Variants in NIPSNAP3A observed in about 807,000 individuals in gnomAD.
NIPSNAP3A encodes protein NipSnap homolog 3A.
NIPSNAP3A carries 27 observed loss-of-function variants against 32.3 expected under a neutral mutation model. That is an observed-to-expected ratio of 0.84 (90% CI 0.62 to 1.15). NIPSNAP3A has a LOEUF of 1.15. Among genes scored for constraint, NIPSNAP3A ranks in the 50% most tolerant of loss-of-function variants. NIPSNAP3A has a pLI of 0.00. For missense variants in NIPSNAP3A, 278 were observed against 297.2 expected (o/e 0.94, Z 0.48); for synonymous variants, 108 against 107.3 (o/e 1.01, Z -0.04).
rs919990748 is a variant in NIPSNAP3A at position 104,747,716 on chromosome 9, C to T, written c.-77C>T. The stretch of plus-strand genomic sequence containing the variant: ...TCTGCCAATGATCCAGGAGCCGCTC[C>T]TTTCCACTCGGGAAACCTTCAGAGG... On this transcript the variant is annotated 5_prime_UTR_variant, in exon 1 of 6. Transcript: ENST00000374767. 2 of 1,454,120 alleles carry T rather than the reference C, an allele frequency of 1.4e-6. No individual in the cohort carries two copies. The highest frequency in any genetic ancestry group is 1.4e-5 in the African/African-American group (1 of 71,354). 90.1% of individuals were successfully genotyped at this position (1,454,120 alleles called of 1,614,324 possible).
intron 4 of NIPSNAP3A, among the ~76,000 whole-genome samples, chr9:104,758,576 A>G (rs1318148771): frequency 1.3e-5 from 2 of 152,192 alleles, no homozygotes; most frequent in Non-Finnish European, 1.5e-5. Context: ...TAATTTATCA[A>G]TTTCTCTAGC....
At chr9:104,756,993 A>G (rs1000130806) in intron 4 of NIPSNAP3A, among the ~76,000 whole-genome samples, 4 of 151,838 alleles carry the variant, frequency 2.6e-5, no homozygotes, top group Admixed American at 6.6e-5. Flanking sequence ...TAGTAGAGAC[A>G]GGATTTCACC....
At chr9:104,756,756 A>T (rs1827910706) in intron 4 of NIPSNAP3A, among the ~76,000 whole-genome samples, 1 of 152,048 alleles carries the variant, frequency 6.6e-6, no homozygotes, top group Non-Finnish European at 1.5e-5. Context: ...GAAAGTATAT[A>T]ACATACATAG....
chr9:104,754,845 ATC>A (rs1827888055), intron 4 of NIPSNAP3A, 145 bp downstream of exon 4: 2 of 665,830 alleles, frequency 3.0e-6, no homozygotes, highest in Non-Finnish European at 2.6e-6. Flanking sequence ...AATTGAGAAA[ATC>A]TGTTTTACAT....
chr9:104,757,888 C>T (rs182622813), intron 4 of NIPSNAP3A, among the ~76,000 whole-genome samples: 174 of 150,698 alleles, frequency 1.2e-3, no homozygotes, highest in African/African-American at 4.0e-3. Flanking sequence ...CCTGTCTCTA[C>T]AAAAATAAAA....
intron 2 of NIPSNAP3A, among the ~76,000 whole-genome samples, chr9:104,751,484 G>C (rs933081211): frequency 2.0e-5 from 3 of 152,164 alleles, no homozygotes; most frequent in Non-Finnish European, 4.4e-5. Flanking sequence ...ATGGTTTGCT[G>C]TAAAGATAGT....
chr9:104,751,467 T>C (rs1195144838), intron 2 of NIPSNAP3A, among the ~76,000 whole-genome samples: 5 of 152,084 alleles, frequency 3.3e-5, no homozygotes, highest in Non-Finnish European at 7.4e-5. Flanking sequence ...CTCAGAAAAA[T>C]ATTAAAATGG....
chr9:104,752,083 G>A (rs143520469), intron 2 of NIPSNAP3A, among the ~76,000 whole-genome samples: 31 of 152,140 alleles, frequency 2.0e-4, no homozygotes, highest in African/African-American at 6.5e-4. Flanking sequence ...CCTCACTTAA[G>A]TTGTAAGATA....
Position 104,747,741 on chromosome 9 carries a change from G to C in NIPSNAP3A, c.-52G>C. 1 of 1,542,528 alleles carries C rather than the reference G, an allele frequency of 6.5e-7. No individual in the cohort carries two copies. Among genetic ancestry groups the C allele is most frequent in the Non-Finnish European group, 8.9e-7 (1 of 1,129,384 alleles). The stretch of plus-strand genomic sequence containing the variant: ...CTTTCCACTCGGGAAACCTTCAGAG[G>C]AGTCTCAGAAAGGACACGGCTGGCT... On this transcript the variant is annotated 5_prime_UTR_variant, in exon 1 of 6. Transcript: ENST00000374767.
intron 4 of NIPSNAP3A, among the ~76,000 whole-genome samples, chr9:104,755,671 A>G (rs574333093): frequency 2.5e-3 from 378 of 152,248 alleles, no homozygotes; most frequent in African/African-American, 5.1e-3. Flanking sequence ...CTGTAATTCC[A>G]GCGCTTTTGG....
intron 2 of NIPSNAP3A, 33 bp from the exon 3 acceptor site, chr9:104,752,873 T>G: frequency 1.3e-6 from 2 of 1,586,576 alleles, no homozygotes; most frequent in Non-Finnish European, 1.7e-6. Flanking sequence ...AAAATTGAAT[T>G]TTTTATTTTT....
intron 1 of NIPSNAP3A, among the ~76,000 whole-genome samples, chr9:104,748,979 T>C (rs1475527905): frequency 3.3e-5 from 5 of 152,080 alleles, no homozygotes; most frequent in Non-Finnish European, 7.4e-5. Context: ...TCCCCCACCA[T>C]ACCCGGCTCC....
intron 1 of NIPSNAP3A, 55 bp downstream of exon 1, chr9:104,747,907 C>A (rs201501034): frequency 2.9e-6 from 2 of 693,362 alleles, no homozygotes; most frequent in African/African-American, 2.4e-5. Context: ...AGGGGCGGGG[C>A]GGGGAGTGTT....
intron 1 of NIPSNAP3A, among the ~76,000 whole-genome samples, chr9:104,750,323 A>C (rs10512333): frequency 0.18 from 27,922 of 152,176 alleles, 3,126 homozygotes; most frequent in East Asian, 0.5. Context: ...TTTCTGAAAA[A>C]GTGGCTAAAG....
At chr9:104,757,931 T>C (rs771873841) in intron 4 of NIPSNAP3A, among the ~76,000 whole-genome samples, 1 of 151,696 alleles carries the variant, frequency 6.6e-6, no homozygotes, top group East Asian at 1.9e-4. Flanking sequence ...AAAATACATA[T>C]ATACACAAAT....
At chr9:104,747,911 G>A in intron 1 of NIPSNAP3A, 59 bp downstream of exon 1, 1 of 1,227,314 alleles carries the variant, frequency 8.1e-7, no homozygotes, top group South Asian at 1.4e-5. Flanking sequence ...GCGGGGCGGG[G>A]AGTGTTCCGG....
Position 104,759,623 on chromosome 9 carries a change from G to C in NIPSNAP3A, c.*285G>C. On this transcript the variant is annotated 3_prime_UTR_variant, in exon 6 of 6. Coordinates refer to ENST00000374767, the MANE Select transcript of NIPSNAP3A (RefSeq NM_015469.3). ...TTTGTTTCAGAATAGCTCTTCTACT[G>C]TATTCTGACAACTCTTTGCTTTATA... The C allele has an allele frequency of 2.6e-6, 1 of 378,286 alleles. No individual in the cohort carries two copies. Among genetic ancestry groups the C allele is most frequent in the Non-Finnish European group, 4.9e-6 (1 of 204,778 alleles). 23.4% of individuals were successfully genotyped at this position (378,286 alleles called of 1,614,324 possible).
chr9:104,754,549 A>T lies in NIPSNAP3A; in HGVS notation c.431-2A>T, dbSNP rs377676725. The T allele has an allele frequency of 5.9e-5, 96 of 1,613,568 alleles. No homozygotes were observed. Among genetic ancestry groups the T allele is most frequent in the Non-Finnish European group, 8.5e-6 (10 of 1,179,884 alleles). The stretch of plus-strand genomic sequence containing the variant: ...GAAAAATTCTTTTTCTCCCTATTCC[A>T]GGAGTCTATGAACTGGCCACTTTTC... On this transcript the variant is annotated splice_acceptor_variant, in intron 3 of 5. Transcript: ENST00000374767. LOFTEE classifies it high-confidence loss of function.
Position 104,752,928 on chromosome 9 carries a change from A to C in NIPSNAP3A, c.294A>C (p.Glu98Asp). Reference protein sequence around the residue: ...WKYDNFAHRTEVRKALAKDKE... With the variant: ...WKYDNFAHRTDVRKALAKDKE... The stretch of plus-strand genomic sequence containing the variant: ...CAGATAATTTTGCTCATCGAACTGA[A>C]GTTCGGAAAGCCTTGGCCAAAGATA... Residue 98 changes from glutamate (E) to aspartate (D), a missense_variant, in exon 3 of 6, where the codon GAA (glutamate) becomes GAC (aspartate). Glu to Asp is a conservative substitution (Grantham distance 45). Coordinates refer to ENST00000374767, the MANE Select transcript of NIPSNAP3A (RefSeq NM_015469.3). 6.2e-7 allele frequency: 1 copy of C among 1,613,382 alleles called. No homozygotes were observed. Among genetic ancestry groups the C allele is most frequent in the Non-Finnish European group, 8.5e-7 (1 of 1,179,404 alleles).
Sources: allele counts gnomAD v4.1 joint callset (sites outside exome capture counted in the v4.1 genomes callset), GRCh38; gene constraint gnomAD v4.1.1; transcripts MANE v1.5; gene names NCBI Gene and HGNC (gene_info 2026-07-23, HGNC 2026-07-21).